USP9Y: variants seen among roughly 807,000 people sequenced by gnomAD.
The protein encoded by USP9Y is ubiquitin specific peptidase 9 Y-linked.
A neutral mutation model predicts 53.1 loss-of-function variants in USP9Y; 41 were observed. The ratio of observed to expected loss-of-function variants is 0.77; its 90% CI spans 0.60 to 1.00. USP9Y has a LOEUF of 1.00. Among genes scored for constraint, USP9Y ranks in the 50% least tolerant of loss-of-function variants. The pLI is 0.00. For synonymous variants in USP9Y, 220 were observed against 173.7 expected (o/e 1.27, Z -2.09); for missense variants, 567 against 535.8 (o/e 1.06, Z -0.58).
intron 44 of USP9Y, 23 bp downstream of exon 44, chrY:12,856,868 A>C: frequency 5.8e-6 from 2 of 343,470 alleles, no homozygotes; most frequent in Non-Finnish European, 8.4e-6. Context: ...AAGGCTACCA[A>C]TGGACAGCAG....
At chrY:12,763,662 G>GTT (rs781504165) in intron 15 of USP9Y, among the ~76,000 whole-genome samples, 3 of 9,176 alleles carry the variant, frequency 3.3e-4, no homozygotes, top group Admixed American at 1.2e-3. Flanking sequence ...TTTTCTTTGT[G>GTT]TTTTTTTTTT....
At position 12,758,587 on chromosome Y, in the gene USP9Y, C is replaced by T; in HGVS notation, c.1711C>T (p.Leu571=). The part of the protein sequence containing the change: ...RTNDKWVIPA[L]KQIREICSLF... ...AAATGACAAGTGGGTAATTCCTGCT[C>T]TGAAACAAATAAGAGAAATTTGTAG... Residue 571 remains leucine (L), a synonymous_variant, in exon 14 of 46, where the codon CTG becomes TTG. Coordinates refer to ENST00000338981, the MANE Select transcript of USP9Y (RefSeq NM_004654.4). 1 of 387,281 alleles carries T rather than the reference C, an allele frequency of 2.6e-6. No individual in the cohort carries two copies. The highest frequency in any genetic ancestry group is 3.6e-6 in the Non-Finnish European group (1 of 275,772).
Position 12,757,197 on chromosome Y carries a change from T to G in USP9Y, c.1428T>G (p.Ser476Arg), listed in dbSNP as rs760442993. 1 of 398,538 alleles carries G rather than the reference T, an allele frequency of 2.5e-6. No homozygotes were observed. The highest frequency in any genetic ancestry group is 3.5e-6 in the Non-Finnish European group (1 of 283,247). The change falls in exon 13 of 46, where the codon AGT (serine) becomes AGG (arginine). Residue 476 changes from serine to arginine, a missense_variant. By Grantham distance (110) the Ser-to-Arg change is moderately radical (BLOSUM62 -1). Transcript: ENST00000338981. ...CATTTAAATACTTTCTTTAGGCAAG[T>G]TGGACAAATGCAAGTAAAAAGCAAC... is the stretch of plus-strand genomic sequence containing the variant. ...LDHLFDCFKA[S>R]WTNASKKQRE... is the part of the protein sequence containing the mutation.
intron 3 of USP9Y, 61 bp downstream of exon 3, chrY:12,709,604 G>A: frequency 3.7e-6 from 1 of 269,840 alleles, no homozygotes; most frequent in Non-Finnish European, 5.9e-6. Context: ...AACATGTCCT[G>A]AATGATTTGT....
intron 10 of USP9Y, 39 bp from the exon 11 acceptor site, chrY:12,738,118 C>A: frequency 2.0e-5 from 7 of 349,274 alleles, no homozygotes; most frequent in Non-Finnish European, 2.8e-5. Context: ...AAAAAAATTT[C>A]TTTTTAGTTT....
intron 19 of USP9Y, 59 bp from the exon 20 acceptor site, chrY:12,777,960 A>G: frequency 2.0e-5 from 6 of 294,097 alleles, no homozygotes; most frequent in Non-Finnish European, 3.0e-5. Context: ...AGTCTGCTGA[A>G]TATCATTGTG....
chrY:12,759,937 C>A (rs926910358), intron 14 of USP9Y, among the ~76,000 whole-genome samples: 1 of 33,046 alleles, frequency 3.0e-5, no homozygotes, highest in Admixed American at 2.7e-4. Flanking sequence ...GGAATAAACA[C>A]TGGAAAAAAT....
intron 31 of USP9Y, among the ~76,000 whole-genome samples, chrY:12,815,004 A>G (rs1603201990): frequency 2.9e-5 from 1 of 33,909 alleles, no homozygotes; most frequent in Non-Finnish European, 7.3e-5. Flanking sequence ...AATTATCACT[A>G]TTTACTAAGG....
At position 12,840,264 on chromosome Y, in the gene USP9Y, A is replaced by G. The variant is rs376458211; in HGVS notation, c.5738A>G (p.Asp1913Gly). ...DDGDVTECKM[D>G]DDEEMKNQCF... ...GGAGATGTAACAGAATGCAAAATGGATGATGATGAAGAAATGAAAAATCAG... is the reference window on the plus strand; with the variant it reads ...GGAGATGTAACAGAATGCAAAATGGGTGATGATGAAGAAATGAAAAATCAG... The change falls in exon 36 of 46, where the codon GAT (aspartate) becomes GGT (glycine). Residue 1913 changes from aspartate (D) to glycine (G), a missense_variant. Physicochemically the swap from Asp to Gly is moderately conservative, Grantham distance 94. Transcript: ENST00000338981. The G allele has an allele frequency of 5.6e-4, 221 of 396,556 alleles. No homozygotes were observed. The highest frequency in any genetic ancestry group is 7.0e-4 in the Non-Finnish European group (197 of 283,080).
intron 12 of USP9Y, among the ~76,000 whole-genome samples, chrY:12,752,072 G>A (rs2053464566): frequency 3.1e-5 from 1 of 32,771 alleles, no homozygotes; most frequent in East Asian, 7.8e-4. Context: ...AAATTATTTA[G>A]TTGTTTTTAA....
At chrY:12,818,216 C>T (rs35361051) in intron 32 of USP9Y, among the ~76,000 whole-genome samples, 5 of 33,087 alleles carry the variant, frequency 1.5e-4, no homozygotes, top group African/African-American at 5.9e-4. Flanking sequence ...TTTAACTATT[C>T]TTTTATGATA....
intron 34 of USP9Y, among the ~76,000 whole-genome samples, chrY:12,837,034 C>T (rs971210684): frequency 6.1e-5 from 2 of 32,894 alleles, no homozygotes; most frequent in Non-Finnish European, 7.4e-5. Context: ...AGGCTGGGCA[C>T]GATGGCTCAC....
chrY:12,786,501 C>CTT (rs149106583), intron 23 of USP9Y, 21 bp from the exon 24 acceptor site: 2 of 321,656 alleles, frequency 6.2e-6, no homozygotes, highest in South Asian at 7.4e-5. Flanking sequence ...ATATACTCTC[C>CTT]TTTTTTTTTT....
Position 12,758,551 on chromosome Y carries a change from G to A in USP9Y, c.1675G>A (p.Glu559Lys). The A allele has an allele frequency of 5.2e-6, 2 of 387,802 alleles. No homozygotes were observed. Among genetic ancestry groups the A allele is most frequent in the Non-Finnish European group, 7.2e-6 (2 of 276,317 alleles). The part of the protein sequence containing the change: ...KIQWIDHFIE[E>K]LRTNDKWVIP... ...CCAGTGGATAGATCACTTTATAGAA[G>A]AACTTCGCACAAATGACAAGTGGGT... Residue 559 changes from glutamate (E) to lysine (K), a missense_variant, in exon 14 of 46, where the codon GAA becomes AAA. Physicochemically the swap from Glu to Lys is moderately conservative, Grantham distance 56. Transcript: ENST00000338981.
intron 27 of USP9Y, among the ~76,000 whole-genome samples, chrY:12,794,498 G>A: frequency 3.0e-5 from 1 of 33,676 alleles, no homozygotes. Context: ...TTTAATTTAT[G>A]TCTTTTTTGG....
rs2053517465 is a variant in USP9Y, at chrY:12,800,026, A to G, written c.3983+6825A>G. Among the ~76,000 whole-genome samples, 3 of 33,229 alleles carry G rather than the reference A, an allele frequency of 9.0e-5. No homozygotes were observed. The South Asian group carries it at 2.0e-3, about 23-fold the overall frequency. The allele number at this position is 33,229 out of a possible 37,273, so 89.2% of individuals were successfully genotyped here. Reference sequence around the variant, plus strand: ...CCTTCCACCACTGCTGAATGCCGCCATTGCAGACCCACCATTGACTTCCAC... The same window carrying G: ...CCTTCCACCACTGCTGAATGCCGCCGTTGCAGACCCACCATTGACTTCCAC... On this transcript the variant is annotated intron_variant, in intron 27 of 45. Coordinates refer to ENST00000338981, the MANE Select transcript of USP9Y (RefSeq NM_004654.4).
chrY:12,737,870 A>C (rs1000952990), intron 10 of USP9Y, among the ~76,000 whole-genome samples: 7 of 33,725 alleles, frequency 2.1e-4, no homozygotes, highest in Non-Finnish European at 4.4e-4. Flanking sequence ...GCAGATTACA[A>C]CACCAAGGTA....
chrY:12,823,823 A>G (rs2053544091), intron 33 of USP9Y, among the ~76,000 whole-genome samples: 2 of 33,214 alleles, frequency 6.0e-5, no homozygotes, highest in African/African-American at 2.3e-4. Context: ...AATAAAAGTC[A>G]TATTCTGATA....
At chrY:12,785,042 C>A (rs2053500518) in intron 22 of USP9Y, among the ~76,000 whole-genome samples, 1 of 33,298 alleles carries the variant, frequency 3.0e-5, no homozygotes, top group Non-Finnish European at 7.5e-5. Context: ...TCATCTTAAC[C>A]ATTTTAAATT....
Sources: allele counts gnomAD v4.1 joint callset (sites outside exome capture counted in the v4.1 genomes callset), GRCh38; gene constraint gnomAD v4.1.1; transcripts MANE v1.5; gene names NCBI Gene and HGNC (gene_info 2026-07-23, HGNC 2026-07-21).